The following FGF14 variants were observed in gnomAD, a reference collection of about 807,000 sequenced individuals.
FGF14 encodes fibroblast growth factor homologous factor 4.
In FGF14, 5 loss-of-function variants were observed where a neutral mutation model predicts 25.5. The ratio of observed to expected loss-of-function variants is 0.20; its 90% CI spans 0.10 to 0.41. The LOEUF is 0.41. Among genes scored for constraint, FGF14 ranks in the 10% least tolerant of loss-of-function variants. FGF14 has a pLI of 1.00. For missense variants in FGF14, 222 were observed against 320.1 expected (o/e 0.69, Z 2.34); for synonymous variants, 138 against 118.3 (o/e 1.17, Z -1.08).
At chr13:102,017,397 G>A (rs1326887612) in intron 1 of FGF14, among the ~76,000 whole-genome samples, 2 of 152,090 alleles carry the variant, frequency 1.3e-5, no homozygotes, top group Non-Finnish European at 2.9e-5. Context: ...AGGAATCTAG[G>A]ATTAAAGCCT....
intron 1 of FGF14, among the ~76,000 whole-genome samples, chr13:101,885,522 G>A (rs2045944083): frequency 6.6e-6 from 1 of 152,134 alleles, no homozygotes; most frequent in Non-Finnish European, 1.5e-5. Flanking sequence ...AAAATGCTGG[G>A]AAAGGCACTA....
chr13:102,011,732 C>G (rs931865578), intron 1 of FGF14, among the ~76,000 whole-genome samples: 1 of 152,134 alleles, frequency 6.6e-6, no homozygotes, highest in African/African-American at 2.4e-5. Flanking sequence ...CACAGAAATG[C>G]GACCACAGAA....
intron 1 of FGF14, among the ~76,000 whole-genome samples, chr13:102,385,720 G>A (rs1437531775): frequency 6.6e-6 from 1 of 152,018 alleles, no homozygotes; most frequent in Non-Finnish European, 1.5e-5. Context: ...TAGCTCTCTT[G>A]GGTGAAAGAT....
intron 1 of FGF14, among the ~76,000 whole-genome samples, chr13:102,355,684 T>C (rs2057401277): frequency 6.6e-6 from 1 of 151,698 alleles, no homozygotes; most frequent in Non-Finnish European, 1.5e-5. Context: ...ACTCAAATTG[T>C]TAAAAAATTA....
At chr13:101,760,888 A>G (rs1466335386) in intron 3 of FGF14, among the ~76,000 whole-genome samples, 4 of 152,226 alleles carry the variant, frequency 2.6e-5, no homozygotes, top group Non-Finnish European at 5.9e-5. Flanking sequence ...TTTGTCTAAT[A>G]AATCTAAAGC....
intron 1 of FGF14, among the ~76,000 whole-genome samples, chr13:102,241,820 A>T (rs1252740890): frequency 6.6e-6 from 1 of 152,180 alleles, no homozygotes; most frequent in Non-Finnish European, 1.5e-5. Context: ...GCTCTGATAC[A>T]GCAAATAGCT....
chr13:101,953,693 C>T (rs570865628), intron 1 of FGF14, among the ~76,000 whole-genome samples: 3 of 151,444 alleles, frequency 2.0e-5, no homozygotes, highest in South Asian at 2.1e-4. Flanking sequence ...CCGGTTCAAG[C>T]GATTCTCCTG....
Position 101,890,735 on chromosome 13 carries a change from C to T in FGF14, c.194-15439G>A, listed in dbSNP as rs556890178. Among the ~76,000 whole-genome samples, 4 of 152,268 alleles carry T rather than the reference C, an allele frequency of 2.6e-5. No homozygotes were observed. The South Asian group carries it at 6.2e-4, about 24-fold the overall frequency. On this transcript the variant is annotated intron_variant, in intron 1 of 4. Coordinates refer to ENST00000376143, the MANE Select transcript of FGF14 (RefSeq NM_004115.4). ...TGCGCATTACCTTGGTGATGCCACA[C>T]ACAGCAAGATGTCCAGGCCCAGAGC...
At chr13:102,368,484 G>T (rs1000254917) in intron 1 of FGF14, among the ~76,000 whole-genome samples, 2 of 152,106 alleles carry the variant, frequency 1.3e-5, no homozygotes, top group African/African-American at 4.8e-5. Flanking sequence ...ATGACCACGG[G>T]GGGTTCAGAA....
At chr13:102,057,089 A>G (rs939390730) in intron 1 of FGF14, among the ~76,000 whole-genome samples, 1 of 151,874 alleles carries the variant, frequency 6.6e-6, no homozygotes. Context: ...TATTAGCTTA[A>G]TTAGTGATTT....
chr13:102,154,325 A>G (rs796344777), intron 1 of FGF14, among the ~76,000 whole-genome samples: 2 of 151,790 alleles, frequency 1.3e-5, no homozygotes, highest in African/African-American at 2.4e-5. Flanking sequence ...CTCTCGGCAG[A>G]AACCCTACAA....
At chr13:101,747,943 T>C (rs1379312639) in intron 3 of FGF14, among the ~76,000 whole-genome samples, 1 of 151,914 alleles carries the variant, frequency 6.6e-6, no homozygotes, top group African/African-American at 2.4e-5. Flanking sequence ...AAAGAATAAT[T>C]ATCATTATAA....
intron 1 of FGF14, among the ~76,000 whole-genome samples, chr13:101,924,053 C>T (rs2139188484): frequency 6.6e-6 from 1 of 152,110 alleles, no homozygotes; most frequent in East Asian, 1.9e-4. Context: ...TACTCTAAAT[C>T]AGTAGTGGAA....
At chr13:102,105,513 G>A (rs796160561) in intron 1 of FGF14, among the ~76,000 whole-genome samples, 4 of 152,218 alleles carry the variant, frequency 2.6e-5, no homozygotes, top group African/African-American at 9.6e-5. Flanking sequence ...ATGGAAATTC[G>A]GAGGCATCTC....
At chr13:102,054,553 G>C (rs2042349978) in intron 1 of FGF14, among the ~76,000 whole-genome samples, 1 of 152,138 alleles carries the variant, frequency 6.6e-6, no homozygotes, top group Non-Finnish European at 1.5e-5. Flanking sequence ...TAGTGTTAAT[G>C]TCAATTTTAA....
At chr13:102,334,778 T>G (rs771732845) in intron 1 of FGF14, among the ~76,000 whole-genome samples, 123 of 152,304 alleles carry the variant, frequency 8.1e-4, no homozygotes, top group Non-Finnish European at 1.1e-3. Flanking sequence ...TGTCTTGCAT[T>G]TTTAGTTATC....
At chr13:101,772,956 TA>T (rs1185201368) in intron 3 of FGF14, among the ~76,000 whole-genome samples, 6 of 152,112 alleles carry the variant, frequency 3.9e-5, no homozygotes, top group African/African-American at 1.4e-4. Flanking sequence ...TTTCTAAACA[TA>T]AAAAATATAT....
intron 4 of FGF14, among the ~76,000 whole-genome samples, chr13:101,725,513 A>G (rs977470175): frequency 2.0e-5 from 3 of 152,110 alleles, no homozygotes; most frequent in Admixed American, 6.6e-5. Context: ...GTATTAGCCA[A>G]CAAGAGCGAT....
At chr13:102,271,361 T>C (rs1421353275) in intron 1 of FGF14, among the ~76,000 whole-genome samples, 1 of 152,162 alleles carries the variant, frequency 6.6e-6, no homozygotes, top group African/African-American at 2.4e-5. Flanking sequence ...ATTTGCCGTG[T>C]TCCAGTCACA....
Sources: allele counts gnomAD v4.1 joint callset (sites outside exome capture counted in the v4.1 genomes callset), GRCh38; gene constraint gnomAD v4.1.1; transcripts MANE v1.5; gene names NCBI Gene and HGNC (gene_info 2026-07-23, HGNC 2026-07-21).